Variants in ADGRB3 observed in about 807,000 individuals in gnomAD.
ADGRB3 encodes brain-specific angiogenesis inhibitor 3.
A neutral mutation model predicts 193.4 loss-of-function variants in ADGRB3; 37 were observed. The ratio of observed to expected loss-of-function variants is 0.19; its 90% CI spans 0.15 to 0.25. The LOEUF (loss-of-function observed/expected upper bound fraction) is 0.25, where lower values mean the gene tolerates loss of function less well. ADGRB3 is among the 10% of genes least tolerant of loss of function. The pLI is 1.00. For missense variants in ADGRB3, 1,637 were observed against 1,852.9 expected, an observed-to-expected ratio of 0.88 and a Z score of 2.14; for synonymous variants, 690 against 644.2, an observed-to-expected ratio of 1.07 and a Z score of -1.08.
At chr6:68,949,254 C>T (rs1273260115) in intron 6 of ADGRB3, among the ~76,000 whole-genome samples, 2 of 152,060 alleles carry the variant, frequency 1.3e-5, no homozygotes, top group Non-Finnish European at 2.9e-5. Flanking sequence ...TACCCTCATA[C>T]AAGCTGTGTC....
intron 20 of ADGRB3, among the ~76,000 whole-genome samples, chr6:69,283,558 C>T (rs1227300865): frequency 6.6e-6 from 1 of 151,918 alleles, no homozygotes; most frequent in African/African-American, 2.4e-5. Context: ...ATTGTGACAG[C>T]GTGAACTTTG....
intron 3 of ADGRB3, among the ~76,000 whole-genome samples, chr6:68,816,708 AT>A (rs1308285882): frequency 6.6e-6 from 1 of 152,028 alleles, no homozygotes; most frequent in African/African-American, 2.4e-5. Flanking sequence ...CCTTAAAATT[AT>A]TAATATAGTC....
chr6:69,314,642 T>A (rs2145889), intron 20 of ADGRB3, among the ~76,000 whole-genome samples: 8,017 of 151,634 alleles, frequency 0.053, 261 homozygotes, highest in Admixed American at 0.1. Flanking sequence ...ATCCATCATA[T>A]CTTTTCTACT....
rs141184222 is a variant in ADGRB3 at position 69,235,135 on chromosome 6, G to A, written c.2711G>A (p.Arg904Lys). The change falls in exon 19 of 32, where the codon AGG becomes AAG. Residue 904 changes from arginine (R) to lysine (K), a missense_variant and splice_region_variant. Arg to Lys is a conservative substitution (Grantham distance 26). Around this residue, in one of 7 missense-constraint regions of ADGRB3, gnomAD observed 641 missense variants for 673.9 expected, o/e 0.95. Coordinates refer to ENST00000370598, the MANE Select transcript of ADGRB3 (RefSeq NM_001704.3). ...TLAVVYAALWRYIRSERSIIL... is the reference protein window; with the variant it reads ...TLAVVYAALWKYIRSERSIIL... Reference sequence around the variant, plus strand: ...GCAGTTGTCTATGCAGCATTATGGAGGTAAGTAATCAATTGATAGACCTGA... The same window carrying A: ...GCAGTTGTCTATGCAGCATTATGGAAGTAAGTAATCAATTGATAGACCTGA... 8.5e-5 allele frequency: 135 copies of A among 1,590,660 alleles called. No homozygotes were observed. In the African/African-American group the frequency reaches 1.6e-3, roughly 18 times the overall value.
At chr6:68,651,895 T>C (rs1768374606) in intron 3 of ADGRB3, among the ~76,000 whole-genome samples, 2 of 152,132 alleles carry the variant, frequency 1.3e-5, no homozygotes, top group Admixed American at 1.3e-4. Context: ...GTTTTAAACT[T>C]CCTTCCATTG....
At chr6:68,972,765 T>A (rs1768624332) in intron 8 of ADGRB3, among the ~76,000 whole-genome samples, 1 of 152,136 alleles carries the variant, frequency 6.6e-6, no homozygotes, top group Non-Finnish European at 1.5e-5. Context: ...AGAAGTAAGG[T>A]ATGAATGATT....
chr6:69,295,596 A>C (rs1462431172), intron 20 of ADGRB3, among the ~76,000 whole-genome samples: 1 of 152,106 alleles, frequency 6.6e-6, no homozygotes, highest in Non-Finnish European at 1.5e-5. Flanking sequence ...CCATAAACCC[A>C]CCCAATAGAG....
chr6:69,369,412 AC>A (rs1483297665), intron 29 of ADGRB3, among the ~76,000 whole-genome samples: 2 of 152,070 alleles, frequency 1.3e-5, no homozygotes, highest in Middle Eastern at 3.2e-3. Context: ...TTTAAGATAA[AC>A]TAAGGCTGGG....
At chr6:69,288,033 C>A (rs1178224651) in intron 20 of ADGRB3, among the ~76,000 whole-genome samples, 1 of 151,872 alleles carries the variant, frequency 6.6e-6, no homozygotes, top group Non-Finnish European at 1.5e-5. Context: ...AAACTTGTTT[C>A]ATTTTTTTTT....
At chr6:69,209,052 TG>T (rs944261835) in intron 17 of ADGRB3, among the ~76,000 whole-genome samples, 5 of 152,186 alleles carry the variant, frequency 3.3e-5, no homozygotes, top group Admixed American at 2.6e-4. Flanking sequence ...GATTTACCTA[TG>T]AGGTCCTGCC....
chr6:68,956,038 C>A lies in ADGRB3; in HGVS notation c.1210C>A (p.Gln404Lys). 6.2e-7 allele frequency: 1 copy of A among 1,613,238 alleles called. No individual in the cohort carries two copies. The highest frequency in any genetic ancestry group is 2.2e-5 in the East Asian group (1 of 44,804). ...TGCTTTGGTAGTTGATGGACAGTGG[C>A]AAGAGTGGAGTTCGTGGAGCCAGTG... ...IALCPVDGQW[Q>K]EWSSWSQCSV... Residue 404 changes from glutamine to lysine, a missense_variant, in exon 7 of 32, where the codon CAA (glutamine) becomes AAA (lysine). Physicochemically the swap from Gln to Lys is moderately conservative, Grantham distance 53. Transcript: ENST00000370598.
At chr6:69,219,153 A>C (rs1765835719) in intron 17 of ADGRB3, among the ~76,000 whole-genome samples, 1 of 151,908 alleles carries the variant, frequency 6.6e-6, no homozygotes, top group Non-Finnish European at 1.5e-5. Flanking sequence ...TCTGTTAGTA[A>C]AGTAAATTTT....
At chr6:69,207,473 A>G (rs1286030947) in intron 17 of ADGRB3, among the ~76,000 whole-genome samples, 1 of 152,070 alleles carries the variant, frequency 6.6e-6, no homozygotes, top group African/African-American at 2.4e-5. Context: ...CTTATCCTTC[A>G]CCTTAGAAGG....
chr6:69,071,067 C>T (rs1361886062), intron 16 of ADGRB3, among the ~76,000 whole-genome samples: 2 of 152,138 alleles, frequency 1.3e-5, no homozygotes, highest in East Asian at 1.9e-4. Context: ...TAGTTTTGCT[C>T]ATCCTTGTAT....
At chr6:68,719,889 T>A (rs541799866) in intron 3 of ADGRB3, among the ~76,000 whole-genome samples, 2 of 151,720 alleles carry the variant, frequency 1.3e-5, no homozygotes, top group African/African-American at 4.8e-5. Flanking sequence ...AGGTTGGGCA[T>A]GGGGGAGTGA....
chr6:68,886,075 G>T (rs1765898673), intron 3 of ADGRB3, among the ~76,000 whole-genome samples: 1 of 152,024 alleles, frequency 6.6e-6, no homozygotes, highest in African/African-American at 2.4e-5. Context: ...ATAAACGTTA[G>T]GAATGGTTTT....
chr6:69,325,443 G>A (rs1258957372), intron 21 of ADGRB3, among the ~76,000 whole-genome samples: 4 of 151,658 alleles, frequency 2.6e-5, no homozygotes, highest in East Asian at 3.9e-4. Context: ...AAGAATAAAA[G>A]CGATTCATTT....
At chr6:68,678,028 A>G (rs2127296934) in intron 3 of ADGRB3, among the ~76,000 whole-genome samples, 1 of 152,232 alleles carries the variant, frequency 6.6e-6, no homozygotes, top group African/African-American at 2.4e-5. Flanking sequence ...AAACCTTAGA[A>G]ACTGCCACAT....
chr6:69,356,117 A>G (rs1307186271), intron 28 of ADGRB3, among the ~76,000 whole-genome samples: 1 of 152,104 alleles, frequency 6.6e-6, no homozygotes, highest in Non-Finnish European at 1.5e-5. Flanking sequence ...CAAGACAGAT[A>G]GATCCCCACA....
Sources: allele counts gnomAD v4.1 joint callset (sites outside exome capture counted in the v4.1 genomes callset), GRCh38; gene constraint gnomAD v4.1.1; regional missense constraint gnomAD v4.1.1; transcripts MANE v1.5; gene names NCBI Gene and HGNC (gene_info 2026-07-23, HGNC 2026-07-21).